LUC7L3: variants seen among roughly 807,000 people sequenced by gnomAD.
LUC7L3 encodes LUC7 like 3 pre-mRNA splicing factor, also known as luc7-like protein 3.
A neutral mutation model predicts 66.8 loss-of-function variants in LUC7L3; 6 were observed. That is an observed-to-expected ratio of 0.09 (90% CI 0.05 to 0.18). The LOEUF (loss-of-function observed/expected upper bound fraction) is 0.18, where lower values mean the gene tolerates loss of function less well. Among genes scored for constraint, LUC7L3 ranks in the 10% least tolerant of loss-of-function variants. The pLI is 1.00. For synonymous variants in LUC7L3, 160 were observed against 174.7 expected (o/e 0.92, Z 0.66); for missense variants, 341 against 531.1 (o/e 0.64, Z 3.52).
At position 50,743,793 on chromosome 17, in the gene LUC7L3, C is replaced by G; in HGVS notation, c.514C>G (p.Leu172Val). 2 of 1,612,630 alleles carry G rather than the reference C, an allele frequency of 1.2e-6. No homozygotes were observed. The highest frequency in any genetic ancestry group is 1.7e-6 in the Non-Finnish European group (2 of 1,178,776). Residue 172 changes from leucine to valine, a missense_variant, in exon 6 of 10, where the codon CTA (leucine) becomes GTA (valine). This residue lies in a region of LUC7L3 where 86 missense variants were observed against 172.0 expected (regional missense o/e 0.50). Coordinates refer to ENST00000505658, the MANE Select transcript of LUC7L3 (RefSeq NM_016424.5). Reference protein sequence around the residue: ...VEQLKEERELLRSTTSTIESF... With the variant: ...VEQLKEERELVRSTTSTIESF... ...GCAATTAAAAGAAGAGAGAGAACTG[C>G]TAAGGTCCACAACGTCGGTGAGTAA...
At chr17:50,745,572 G>A in intron 7 of LUC7L3, 148 bp from the exon 8 acceptor site, 2 of 595,566 alleles carry the variant, frequency 3.4e-6, no homozygotes, top group Non-Finnish European at 6.0e-6. Flanking sequence ...ATGATACCTT[G>A]TGTATATACA....
chr17:50,741,068 G>A, intron 3 of LUC7L3, 34 bp from the exon 4 acceptor site: 1 of 1,609,958 alleles, frequency 6.2e-7, no homozygotes. Context: ...CTGAAGATTT[G>A]GAAATGAGTA....
At chr17:50,730,517 A>G (rs1169434633) in intron 1 of LUC7L3, among the ~76,000 whole-genome samples, 2 of 79,162 alleles carry the variant, frequency 2.5e-5, no homozygotes, top group African/African-American at 5.3e-5. Flanking sequence ...TGTCTCCAAA[A>G]AAAAAAAAAA....
intron 1 of LUC7L3, among the ~76,000 whole-genome samples, chr17:50,734,244 C>G (rs1359564219): frequency 6.6e-6 from 1 of 151,504 alleles, no homozygotes; most frequent in Admixed American, 6.6e-5. Flanking sequence ...CTCAGCTCAC[C>G]GCAACCTCCG....
chr17:50,728,068 A>T (rs1969319265), intron 1 of LUC7L3, among the ~76,000 whole-genome samples: 1 of 151,184 alleles, frequency 6.6e-6, no homozygotes, highest in African/African-American at 2.4e-5. Context: ...CAGTGAGCCG[A>T]GATCGCGCCA....
intron 1 of LUC7L3, among the ~76,000 whole-genome samples, chr17:50,721,847 A>T (rs1182018197): frequency 6.6e-6 from 1 of 151,224 alleles, no homozygotes; most frequent in African/African-American, 2.4e-5. Flanking sequence ...CTATCTGGAA[A>T]TTTTTCTTGG....
At chr17:50,741,938 C>T (rs1386926180) in intron 5 of LUC7L3, among the ~76,000 whole-genome samples, 2 of 152,108 alleles carry the variant, frequency 1.3e-5, no homozygotes, top group African/African-American at 4.8e-5. Context: ...TAGCCAGGTG[C>T]AATGGCGTGT....
chr17:50,724,611 T>TTGTGTGTGTG lies in LUC7L3; in HGVS notation c.99+4806_99+4815dup, dbSNP rs58361696. Among the ~76,000 whole-genome samples, 1,052 of 147,262 alleles carry TTGTGTGTGTG rather than the reference T, an allele frequency of 7.1e-3. 10 individuals are homozygous for TTGTGTGTGTG. The highest frequency in any genetic ancestry group is 0.021 in the African/African-American group (856 of 40,036). Reference sequence around the variant, plus strand: ...TAAATCTTTGGTTGCTTTAGGAAAATTGTGTGTGTGTGTGTGTGTGTGTGT... The same window carrying TTGTGTGTGTG: ...TAAATCTTTGGTTGCTTTAGGAAAATTGTGTGTGTGTGTGTGTGTGTGTGTGTGTGTGTGT... On this transcript the variant is annotated intron_variant, in intron 1 of 9. Coordinates refer to ENST00000505658, the MANE Select transcript of LUC7L3 (RefSeq NM_016424.5).
intron 1 of LUC7L3, among the ~76,000 whole-genome samples, chr17:50,720,909 GCTAA>G (rs1399947182): frequency 1.3e-5 from 2 of 152,184 alleles, no homozygotes; most frequent in Non-Finnish European, 2.9e-5. Flanking sequence ...GTGTTGGGGT[GCTAA>G]CTGATTCCAA....
chr17:50,736,701 G>A (rs909565943), intron 1 of LUC7L3: 1 of 356,420 alleles, frequency 2.8e-6, no homozygotes, highest in Admixed American at 4.5e-5. Flanking sequence ...ATTTGTTTTT[G>A]CTACTGGGGG....
rs1971011824 is a variant in LUC7L3, at chr17:50,752,289, T to C, written c.*1628T>C. The C allele has an allele frequency of 1.8e-6, 2 of 1,107,876 alleles. No individual in the cohort carries two copies. Among genetic ancestry groups the C allele is most frequent in the African/African-American group, 1.6e-5 (1 of 60,912 alleles). 68.6% of individuals were successfully genotyped at this position (1,107,876 alleles called of 1,614,324 possible). On this transcript the variant is annotated 3_prime_UTR_variant, in exon 10 of 10. Transcript: ENST00000505658. ...AAAATGAGGTGAAAGAAAGCTATAG[T>C]GGCATAGAAAAAGTATAAAGCTCAG...
Position 50,719,842 on chromosome 17 carries a change from C to A in LUC7L3, c.99+11C>A. ...TGGGACCACGAGAGCGTAAGTCCCG[C>A]GGGCCTTGGCCTGAGCCCGGGCTCC... On this transcript the variant is annotated intron_variant, in intron 1 of 9. Transcript: ENST00000505658. 1 of 1,452,518 alleles carries A rather than the reference C, an allele frequency of 6.9e-7. No individual in the cohort carries two copies. Among genetic ancestry groups the A allele is most frequent in the African/African-American group, 3.0e-5 (1 of 32,986 alleles). 90.0% of individuals were successfully genotyped at this position (1,452,518 alleles called of 1,614,324 possible).
At chr17:50,723,968 A>G (rs1968981749) in intron 1 of LUC7L3, 1 of 455,774 alleles carries the variant, frequency 2.2e-6, no homozygotes, top group South Asian at 1.5e-5. Context: ...GTAAAATAGT[A>G]AGTGTTGGCT....
In LUC7L3 at chr17:50,738,471, A is replaced by G. The variant is rs1268381891; in HGVS notation, c.166+1445A>G. ...GGGAAAGCAGAAGAGAGATTCTTCA[A>G]AATCTTAAGAAATTTAGTATCTTCA... On this transcript the variant is annotated intron_variant, in intron 2 of 9. Transcript: ENST00000505658. Among the ~76,000 whole-genome samples the G allele has an allele frequency of 2.0e-5, 3 of 152,228 alleles. No individual in the cohort carries two copies. In the East Asian group the frequency reaches 5.8e-4, roughly 29 times the overall value.
intron 1 of LUC7L3, among the ~76,000 whole-genome samples, chr17:50,733,526 C>T (rs796664712): frequency 7.9e-5 from 12 of 151,582 alleles, no homozygotes; most frequent in Middle Eastern, 3.4e-3. Context: ...CTCAGCCTCC[C>T]GAGTAGCTGG....
At chr17:50,723,518 A>G (rs896693616) in intron 1 of LUC7L3, 4 of 152,422 alleles carry the variant, frequency 2.6e-5, no homozygotes, top group Admixed American at 1.3e-4. Context: ...GCAAAAAACT[A>G]GTAATTATAA....
At chr17:50,746,411 T>C in intron 8 of LUC7L3, 131 bp from the exon 9 acceptor site, 1 of 817,824 alleles carries the variant, frequency 1.2e-6, no homozygotes, top group Non-Finnish European at 1.9e-6. Context: ...TTTTTAGTTC[T>C]TAAGATTTCT....
intron 1 of LUC7L3, among the ~76,000 whole-genome samples, chr17:50,725,404 C>T (rs768525228): frequency 6.6e-6 from 1 of 151,864 alleles, no homozygotes; most frequent in Non-Finnish European, 1.5e-5. Flanking sequence ...GAGCAAGACT[C>T]CATTTCAAAA....
intron 5 of LUC7L3, among the ~76,000 whole-genome samples, chr17:50,742,794 A>C (rs1970430500): frequency 6.6e-6 from 1 of 152,040 alleles, no homozygotes; most frequent in Non-Finnish European, 1.5e-5. Context: ...ATAATGGCAC[A>C]AAAAAAATAA....
Sources: gnomAD v4.1 joint callset for allele counts (sites outside exome capture counted in the v4.1 genomes callset) on GRCh38, gnomAD v4.1.1 for gene constraint, gnomAD v4.1.1 regional missense constraint, MANE v1.5 for transcripts, NCBI Gene and HGNC (gene_info 2026-07-23, HGNC 2026-07-21) for gene names.